PASK: variants seen among roughly 807,000 people sequenced by gnomAD.
PASK encodes the protein PAS domain-containing serine/threonine-protein kinase.
A neutral mutation model predicts 121.0 loss-of-function variants in PASK; 110 were observed. That is an observed-to-expected ratio of 0.91 (90% CI 0.78 to 1.06). PASK has a LOEUF of 1.06. Among genes scored for constraint, PASK ranks in the 50% least tolerant of loss-of-function variants. The pLI is 0.00. For synonymous variants in PASK, 686 were observed against 717.8 expected (o/e 0.96, Z 0.71); for missense variants, 1,643 against 1,702.3 (o/e 0.97, Z 0.61).
At chr2:241,148,915 A>G (rs1575363730) in intron 1 of PASK, among the ~76,000 whole-genome samples, 1 of 152,020 alleles carries the variant, frequency 6.6e-6, no homozygotes, top group South Asian at 2.1e-4. Flanking sequence ...AAAATTAGTG[A>G]AAAAATTAAG....
intron 1 of PASK, 89 bp from the exon 2 acceptor site, chr2:241,143,163 C>T (rs962334718): frequency 7.9e-6 from 6 of 761,780 alleles, no homozygotes; most frequent in South Asian, 1.5e-5. Context: ...GAGTTCAGCT[C>T]GGCCCCAAAA....
chr2:241,112,399 A>C lies in PASK; in HGVS notation c.3374T>G (p.Ile1125Ser), dbSNP rs758544347. The C allele has an allele frequency of 6.2e-7, 1 of 1,613,876 alleles. No homozygotes were observed. The highest frequency in any genetic ancestry group is 8.5e-7 in the Non-Finnish European group (1 of 1,179,832). ...AVGYLRLKDI[I>S]HRDIKDENIV... ...GTTCTCATCCTTGATGTCACGGTGG[A>C]TGATGTCCTTCAAGCGCAGGTATCC... The change falls in exon 15 of 18, where the codon ATC becomes AGC. Residue 1125 changes from isoleucine to serine, a missense_variant. Coordinates refer to ENST00000234040, the MANE Select transcript of PASK (RefSeq NM_015148.4). The surrounding 1 kb of genome is among the most constrained non-coding windows in gnomAD (Gnocchi z 5.2).
Position 241,115,319 on chromosome 2 carries a change from A to C in PASK, c.3167T>G (p.Leu1056Arg). 6.2e-7 allele frequency: 1 copy of C among 1,614,016 alleles called. No individual in the cohort carries two copies. Among genetic ancestry groups the C allele is most frequent in the South Asian group, 1.1e-5 (1 of 91,090 alleles). ...GATATTGGCGTGCTCCACCCTGGAT[A>C]GAATTGCGATCTCTAAAGTAACTTT... The part of the protein sequence containing the change: ...LGKVTLEIAI[L>R]SRVEHANIIK... The change falls in exon 13 of 18, where the codon CTA becomes CGA. Residue 1056 changes from leucine (L) to arginine (R), a missense_variant. By Grantham distance (102) the Leu-to-Arg change is moderately radical (BLOSUM62 -2). Around this residue, in one of 3 missense-constraint regions of PASK, gnomAD observed 453 missense variants for 511.2 expected, o/e 0.89. Transcript: ENST00000234040.
At chr2:241,140,300 G>A (rs2066644067) in intron 3 of PASK, among the ~76,000 whole-genome samples, 3 of 152,096 alleles carry the variant, frequency 2.0e-5, no homozygotes, top group African/African-American at 7.2e-5. Flanking sequence ...TGGTAGCTGG[G>A]ACTACAGGTG....
intron 1 of PASK, among the ~76,000 whole-genome samples, chr2:241,146,476 G>A (rs1471849711): frequency 3.9e-5 from 6 of 152,088 alleles, no homozygotes; most frequent in Middle Eastern, 6.8e-3. Context: ...GCGGGAGAGA[G>A]GGAGGAAAAA....
chr2:241,146,217 A>T (rs535469735), intron 1 of PASK, among the ~76,000 whole-genome samples: 3 of 152,254 alleles, frequency 2.0e-5, no homozygotes, highest in Non-Finnish European at 2.9e-5. Context: ...AGCAGAAATG[A>T]AGAATCTAGT....
intron 1 of PASK, among the ~76,000 whole-genome samples, chr2:241,143,428 G>A (rs2066805795): frequency 6.6e-6 from 1 of 152,080 alleles, no homozygotes; most frequent in African/African-American, 2.4e-5. Context: ...GCGGGTGCCT[G>A]TAGTCCCAGC....
At chr2:241,131,458 A>G (rs1269408655) in intron 9 of PASK, among the ~76,000 whole-genome samples, 1 of 152,194 alleles carries the variant, frequency 6.6e-6, no homozygotes, top group African/African-American at 2.4e-5. Context: ...CATGCATTAC[A>G]TATTTTTAAA....
rs962296564 is a variant in PASK at position 241,120,497 on chromosome 2, GA to G, written c.3072+2234del. Among the ~76,000 whole-genome samples the G allele has an allele frequency of 6.7e-3, 924 of 137,762 alleles. 9 individuals carry two copies. The highest frequency in any genetic ancestry group is 0.012 in the Admixed American group (165 of 14,004). 90.4% of individuals were successfully genotyped at this position (137,762 alleles called of 152,430 possible). On this transcript the variant is annotated intron_variant, in intron 12 of 17. Coordinates refer to ENST00000234040, the MANE Select transcript of PASK (RefSeq NM_015148.4). ...GACAAAGCAAGACTCTGTCTCAAAA[GA>G]AAAAAAAAATGGGCAAAGGATCAGA...
At position 241,108,216 on chromosome 2, in the gene PASK, C is replaced by T. The variant is rs2064966813; in HGVS notation, c.3618G>A (p.Leu1206=). ...GTATGGCAGCCTCCACGGTCTCCTC[C>T]AGCTCACAGAAGGGGTTCTCCTCAA... ...LVFEENPFCE[L]EETVEAAIHP... Residue 1206 remains leucine, a synonymous_variant, in exon 16 of 18, where the codon CTG becomes CTA. Coordinates refer to ENST00000234040, the MANE Select transcript of PASK (RefSeq NM_015148.4). This position sits in a 1 kb window ranked among gnomAD's most constrained non-coding sequence, Gnocchi z 5.2. The T allele has an allele frequency of 6.2e-7, 1 of 1,614,054 alleles. No homozygotes were observed.
intron 6 of PASK, 81 bp downstream of exon 6, chr2:241,137,872 C>T: frequency 2.6e-6 from 4 of 1,519,724 alleles, no homozygotes; most frequent in Non-Finnish European, 3.7e-6. Flanking sequence ...CCTTCAGAAA[C>T]CCTTGGTCTG....
Position 241,142,827 on chromosome 2 carries a change from AG to A in PASK, c.196+9del. 6.2e-7 allele frequency: 1 copy of A among 1,600,316 alleles called. No individual in the cohort carries two copies. The highest frequency in any genetic ancestry group is 8.6e-7 in the Non-Finnish European group (1 of 1,168,408). On this transcript the variant is annotated intron_variant, in intron 2 of 17. Coordinates refer to ENST00000234040, the MANE Select transcript of PASK (RefSeq NM_015148.4). ...ACGCGCTAAGGCCTGCAGTGGTCGA[AG>A]GTCATTACCAGAGAGCGCTGTCCTG...
Position 241,126,483 on chromosome 2 carries a change from C to A in PASK, c.2432G>T (p.Arg811Leu). The A allele has an allele frequency of 6.2e-7, 1 of 1,614,218 alleles. No individual in the cohort carries two copies. Among genetic ancestry groups the A allele is most frequent in the Non-Finnish European group, 8.5e-7 (1 of 1,180,004 alleles). Residue 811 changes from arginine (R) to leucine (L), a missense_variant, in exon 10 of 18, where the codon CGA (arginine) becomes CTA (leucine). Physicochemically the swap from Arg to Leu is moderately radical, Grantham distance 102. Transcript: ENST00000234040. The part of the protein sequence containing the change: ...TGTCVDLGQG[R>L]RFRESCVGHD... ...TCCCACACAGCTCTCCCGGAACCGT[C>A]GGCCTTGGCCAAGGTCAACACAGGT...
At chr2:241,139,492 G>A (rs1024118425) in intron 4 of PASK, 4 of 480,602 alleles carry the variant, frequency 8.3e-6, no homozygotes, top group South Asian at 3.1e-5. Flanking sequence ...CAACACCCCC[G>A]CCCGCTCCCA....
In PASK at chr2:241,124,143, G is replaced by A. The variant is rs2065750239; in HGVS notation, c.2720-10C>T. The A allele has an allele frequency of 6.2e-7, 1 of 1,612,706 alleles. No homozygotes were observed. Among genetic ancestry groups the A allele is most frequent in the African/African-American group, 1.3e-5 (1 of 75,028 alleles). On this transcript the variant is annotated splice_polypyrimidine_tract_variant and intron_variant, in intron 10 of 17. Transcript: ENST00000234040. ...ACCTCAAACTGTATACCTGAAGGGT[G>A]AGAAGGTAAGAACGCACAGGCCTGT...
Position 241,127,443 on chromosome 2 carries a change from T to G in PASK, c.1472A>C (p.Asn491Thr). 6.2e-7 allele frequency: 1 copy of G among 1,613,736 alleles called. No individual in the cohort carries two copies. The highest frequency in any genetic ancestry group is 8.5e-7 in the Non-Finnish European group (1 of 1,179,674). Residue 491 changes from asparagine (N) to threonine (T), a missense_variant, in exon 10 of 18, where the codon AAT (asparagine) becomes ACT (threonine). By Grantham distance (65) the Asn-to-Thr change is moderately conservative. Coordinates refer to ENST00000234040, the MANE Select transcript of PASK (RefSeq NM_015148.4). Reference sequence around the variant, plus strand: ...CACTGGCAGGCTTCCTTCTGGGACATTGTCCACCCTGGGGATAATGACATG... The same window carrying G: ...CACTGGCAGGCTTCCTTCTGGGACAGTGTCCACCCTGGGGATAATGACATG... ...LSPQPAPGVD[N>T]VPEGSLPVHG... is the part of the protein sequence containing the mutation.
At chr2:241,128,694 T>C (rs886806455) in intron 9 of PASK, among the ~76,000 whole-genome samples, 1 of 152,096 alleles carries the variant, frequency 6.6e-6, no homozygotes, top group African/African-American at 2.4e-5. Context: ...TAGTGAGACC[T>C]CGTCTCTACA....
chr2:241,106,331 T>C lies in PASK; in HGVS notation c.*235A>G, dbSNP rs2064879047. 1 of 576,594 alleles carries C rather than the reference T, an allele frequency of 1.7e-6. No homozygotes were observed. Among genetic ancestry groups the C allele is most frequent in the Non-Finnish European group, 3.1e-6 (1 of 324,210 alleles). 35.7% of individuals were successfully genotyped at this position (576,594 alleles called of 1,614,324 possible). ...AAAGCCCTTTAATAATATAAAACAGTTGAACACTGGAATGTTTTTTTCTAG... is the reference window on the plus strand; with the variant it reads ...AAAGCCCTTTAATAATATAAAACAGCTGAACACTGGAATGTTTTTTTCTAG... On this transcript the variant is annotated 3_prime_UTR_variant, in exon 18 of 18. Coordinates refer to ENST00000234040, the MANE Select transcript of PASK (RefSeq NM_015148.4).
At position 241,149,418 on chromosome 2, in the gene PASK, A is replaced by C. The variant is rs968844807; in HGVS notation, c.-47T>G. ...TCCCGAGCGCAGGTATCTCACCTGG[A>C]TCAGGCGAGGGTCACGCCAAGCCGG... On this transcript the variant is annotated 5_prime_UTR_variant, in exon 1 of 18. Coordinates refer to ENST00000234040, the MANE Select transcript of PASK (RefSeq NM_015148.4). The C allele has an allele frequency of 5.8e-6, 3 of 515,560 alleles. No individual in the cohort carries two copies. In the African/African-American group the frequency reaches 6.0e-5, roughly 10 times the overall value. The allele number at this position is 515,560 out of a possible 1,614,324, so 31.9% of individuals were successfully genotyped here.
Sources: allele counts gnomAD v4.1 joint callset (sites outside exome capture counted in the v4.1 genomes callset), GRCh38; gene constraint gnomAD v4.1.1; regional missense constraint gnomAD v4.1.1; non-coding constraint Gnocchi (gnomAD v3.1); transcripts MANE v1.5; gene names NCBI Gene and HGNC (gene_info 2026-07-23, HGNC 2026-07-21).